The following NFATC3 variants were observed in gnomAD, a reference collection of about 807,000 sequenced individuals.
NFATC3 encodes nuclear factor of activated T-cells, cytoplasmic 3.
NFATC3 carries 46 observed loss-of-function variants against 98.6 expected under a neutral mutation model. That is an observed-to-expected ratio of 0.47 (90% confidence interval 0.37 to 0.60). The LOEUF is 0.60. Ranked by LOEUF, NFATC3 falls within the 20% of genes least tolerant of loss-of-function variation. The probability of loss-of-function intolerance (pLI) is 0.00; values close to 1 mark genes in which losing one functional copy is unlikely to be tolerated. For missense variants in NFATC3, 1,256 were observed against 1,295.5 expected, an observed-to-expected ratio of 0.97 and a Z score of 0.47; for synonymous variants, 512 against 472.2, an observed-to-expected ratio of 1.08 and a Z score of -1.09.
At chr16:68,105,883 T>C (rs565145789) in intron 1 of NFATC3, among the ~76,000 whole-genome samples, 3 of 152,174 alleles carry the variant, frequency 2.0e-5, no homozygotes, top group African/African-American at 4.8e-5. Flanking sequence ...ATAGTATTCT[T>C]CTTCTTTTTT....
At chr16:68,184,990 T>A (rs1309074049) in intron 8 of NFATC3, among the ~76,000 whole-genome samples, 1 of 151,798 alleles carries the variant, frequency 6.6e-6, no homozygotes, top group Non-Finnish European at 1.5e-5. Context: ...TTTATTTATT[T>A]TTTTTTTTTG....
intron 6 of NFATC3, among the ~76,000 whole-genome samples, chr16:68,177,012 T>C (rs1291377884): frequency 1.3e-5 from 2 of 151,502 alleles, no homozygotes; most frequent in Non-Finnish European, 2.9e-5. Context: ...ATATATATTT[T>C]TCTTTCTTTC....
At position 68,125,162 on chromosome 16, in the gene NFATC3, G is replaced by A. The variant is rs1347461091; in HGVS notation, c.1239-1286G>A. 2.0e-5 allele frequency among the ~76,000 whole-genome samples: 3 copies of A among 152,160 alleles called. 1 individual carries two copies. Among genetic ancestry groups the A allele is most frequent in the African/African-American group, 7.2e-5 (3 of 41,426 alleles). On this transcript the variant is annotated intron_variant, in intron 2 of 9. Coordinates refer to ENST00000346183, the MANE Select transcript of NFATC3 (RefSeq NM_173165.3). ...TTTATCTTAATTTTTCTAGTGGTTT[G>A]CTTAAGGCTGCAAAACAAATACAGA...
chr16:68,142,496 G>T (rs2037806844), intron 3 of NFATC3, among the ~76,000 whole-genome samples: 1 of 152,018 alleles, frequency 6.6e-6, no homozygotes, highest in Admixed American at 6.6e-5. Context: ...GGTGACTCAC[G>T]CCTGTAATCC....
intron 3 of NFATC3, among the ~76,000 whole-genome samples, chr16:68,149,515 G>A (rs1320135650): frequency 1.3e-5 from 2 of 152,148 alleles, no homozygotes; most frequent in African/African-American, 2.4e-5. Context: ...TACACTACAA[G>A]GCTGAGCTGC....
At chr16:68,126,745 G>T in intron 3 of NFATC3, 135 bp downstream of exon 3, 2 of 747,386 alleles carry the variant, frequency 2.7e-6, no homozygotes, top group South Asian at 5.2e-5. Context: ...TTGGGGGCTT[G>T]TTGATGTGAC....
Position 68,158,057 on chromosome 16 carries a change from T to C in NFATC3, c.1590T>C (p.Asn530=). ...VLEIPLLPEN[N]MSASIDCAGI... ...AAATTCCACTTCTTCCTGAAAATAA[T>C]ATGTCAGCCAGGTATTTTGAAATAT... The change falls in exon 4 of 10, where the codon AAT becomes AAC. Residue 530 remains asparagine (N), a synonymous_variant. Coordinates refer to ENST00000346183, the MANE Select transcript of NFATC3 (RefSeq NM_173165.3). The C allele has an allele frequency of 6.2e-7, 1 of 1,611,530 alleles. No homozygotes were observed.
intron 9 of NFATC3, among the ~76,000 whole-genome samples, chr16:68,204,196 A>C (rs1476701571): frequency 6.6e-6 from 1 of 151,846 alleles, no homozygotes; most frequent in Non-Finnish European, 1.5e-5. Context: ...TCCAAAAAAA[A>C]AAGAAAATAG....
intron 9 of NFATC3, among the ~76,000 whole-genome samples, chr16:68,222,822 T>C (rs548193801): frequency 6.6e-6 from 1 of 152,306 alleles, no homozygotes; most frequent in African/African-American, 2.4e-5. Flanking sequence ...GATAATCTAA[T>C]ATGAAGAGGA....
At chr16:68,112,268 CTTTTTTT>C (rs768228927) in intron 1 of NFATC3, among the ~76,000 whole-genome samples, 8 of 77,418 alleles carry the variant, frequency 1.0e-4, no homozygotes, top group African/African-American at 3.7e-4. Context: ...TAGGTTCAGT[CTTTTTTT>C]TTTTTTTTTT....
At chr16:68,146,992 C>G (rs2038070623) in intron 3 of NFATC3, among the ~76,000 whole-genome samples, 3 of 152,208 alleles carry the variant, frequency 2.0e-5, no homozygotes, top group Admixed American at 1.3e-4. Flanking sequence ...TTAAAAGTCT[C>G]TCAGATAGAA....
intron 8 of NFATC3, among the ~76,000 whole-genome samples, chr16:68,188,808 A>G (rs2040321799): frequency 6.6e-6 from 1 of 152,182 alleles, no homozygotes; most frequent in Non-Finnish European, 1.5e-5. Flanking sequence ...TCCCGGGTTC[A>G]AGTGATTCTC....
At chr16:68,119,050 G>C (rs949821215) in intron 1 of NFATC3, among the ~76,000 whole-genome samples, 3 of 152,056 alleles carry the variant, frequency 2.0e-5, no homozygotes, top group Non-Finnish European at 4.4e-5. Context: ...TGTATTTTCA[G>C]TAGAGATGGG....
At chr16:68,096,410 T>C (rs145185543) in intron 1 of NFATC3, among the ~76,000 whole-genome samples, 1 of 152,320 alleles carries the variant, frequency 6.6e-6, no homozygotes, top group Admixed American at 6.5e-5. Context: ...GATCTTAGAG[T>C]AACTGAGCTG....
At chr16:68,217,581 G>A in intron 9 of NFATC3, 2 of 1,112,180 alleles carry the variant, frequency 1.8e-6, no homozygotes, top group Admixed American at 4.6e-5. Flanking sequence ...TTTTATTTTT[G>A]TTAATAGTAT....
chr16:68,151,866 C>T (rs965807638), intron 3 of NFATC3, among the ~76,000 whole-genome samples: 8 of 151,834 alleles, frequency 5.3e-5, no homozygotes, highest in African/African-American at 1.7e-4. Flanking sequence ...GCCAGAAGTT[C>T]GAGACGAGCC....
chr16:68,099,664 TCTTTATAAGCACATC>T (rs1411427720), intron 1 of NFATC3, among the ~76,000 whole-genome samples: 2 of 151,890 alleles, frequency 1.3e-5, no homozygotes, highest in Non-Finnish European at 2.9e-5. Context: ...CTCACTAACT[TCTTTATAAGCACATC>T]CTTTTCCCTC....
At chr16:68,201,776 C>T (rs2040925939) in intron 9 of NFATC3, among the ~76,000 whole-genome samples, 1 of 143,434 alleles carries the variant, frequency 7.0e-6, no homozygotes, top group South Asian at 2.3e-4. Flanking sequence ...CATGGCAAAA[C>T]CCCATCTCTA....
At chr16:68,193,668 T>A (rs2040538962) in intron 9 of NFATC3, among the ~76,000 whole-genome samples, 1 of 152,014 alleles carries the variant, frequency 6.6e-6, no homozygotes, top group South Asian at 2.1e-4. Flanking sequence ...TGAGACCCTG[T>A]CTCTAAAAAA....
Sources: allele counts gnomAD v4.1 joint callset (sites outside exome capture counted in the v4.1 genomes callset), GRCh38; gene constraint gnomAD v4.1.1; transcripts MANE v1.5; gene names NCBI Gene and HGNC (gene_info 2026-07-23, HGNC 2026-07-21).